Variants in DLG2 observed in about 807,000 individuals in gnomAD.
The protein encoded by DLG2 is discs large MAGUK scaffold protein 2.
A neutral mutation model predicts 132.5 loss-of-function variants in DLG2; 45 were observed. The ratio of observed to expected loss-of-function variants is 0.34; its 90% CI spans 0.27 to 0.44. DLG2 has a LOEUF of 0.44. Ranked by LOEUF, DLG2 falls within the 20% of genes least tolerant of loss-of-function variation. The pLI is 1.00. For missense variants in DLG2, 1,045 were observed against 1,196.9 expected (o/e 0.87, Z 1.87); for synonymous variants, 424 against 419.6 (o/e 1.01, Z -0.13).
chr11:84,151,929 T>A (rs1384404406), intron 9 of DLG2, among the ~76,000 whole-genome samples: 1 of 152,220 alleles, frequency 6.6e-6, no homozygotes, highest in Non-Finnish European at 1.5e-5. Flanking sequence ...GATTTTTATT[T>A]CTTTGCATTT....
At chr11:85,173,491 A>G (rs1225906522) in intron 4 of DLG2, among the ~76,000 whole-genome samples, 1 of 152,196 alleles carries the variant, frequency 6.6e-6, no homozygotes, top group African/African-American at 2.4e-5. Context: ...TATGGAAAGG[A>G]AAAACCCATT....
At chr11:83,616,500 G>GT (rs34592902) in intron 19 of DLG2, among the ~76,000 whole-genome samples, 48,445 of 149,782 alleles carry the variant, frequency 0.32, 9,124 homozygotes, top group African/African-American at 0.53. Flanking sequence ...AAAAAAAAAT[G>GT]TTTTTTTTTT....
chr11:84,620,107 T>C (rs1457463432), intron 6 of DLG2, among the ~76,000 whole-genome samples: 9 of 151,646 alleles, frequency 5.9e-5, no homozygotes, highest in Non-Finnish European at 8.9e-5. Flanking sequence ...TAATATAGTA[T>C]TGATTTGGCA....
chr11:84,489,219 TC>T (rs2099158406), intron 7 of DLG2, among the ~76,000 whole-genome samples: 6 of 152,134 alleles, frequency 3.9e-5, no homozygotes. Flanking sequence ...GCAGTATTTT[TC>T]CTTTTATTAG....
chr11:83,588,359 C>A (rs956749963), intron 19 of DLG2, among the ~76,000 whole-genome samples: 1 of 151,848 alleles, frequency 6.6e-6, no homozygotes, highest in Admixed American at 6.5e-5. Context: ...GGGAGGCACC[C>A]CCCAGCAGGG....
chr11:85,347,372 T>C (rs1031494816), intron 3 of DLG2, among the ~76,000 whole-genome samples: 3 of 152,064 alleles, frequency 2.0e-5, no homozygotes, highest in Admixed American at 2.0e-4. Context: ...TGTTATCTGA[T>C]TGCAGAAAAT....
intron 6 of DLG2, among the ~76,000 whole-genome samples, chr11:84,943,472 C>A (rs1051972006): frequency 6.6e-6 from 1 of 151,636 alleles, no homozygotes; most frequent in Non-Finnish European, 1.5e-5. Context: ...GTTTTAATTT[C>A]TTTCTTTTAT....
intron 18 of DLG2, among the ~76,000 whole-genome samples, chr11:83,708,758 CT>C (rs5793085): frequency 6.6e-5 from 10 of 151,692 alleles, no homozygotes; most frequent in Admixed American, 5.9e-4. Context: ...TTTTGGAATC[CT>C]TTTTTTTAAT....
intron 3 of DLG2, among the ~76,000 whole-genome samples, chr11:85,502,579 T>C (rs2093830194): frequency 6.6e-6 from 1 of 151,768 alleles, no homozygotes; most frequent in South Asian, 2.1e-4. Flanking sequence ...ATGTTCTCAC[T>C]TATAAGTTGG....
chr11:85,249,578 TATCA>T (rs1026769208), intron 4 of DLG2, among the ~76,000 whole-genome samples: 1 of 152,050 alleles, frequency 6.6e-6, no homozygotes, highest in Non-Finnish European at 1.5e-5. Context: ...TGAGAACAAG[TATCA>T]AACTGAAATG....
intron 7 of DLG2, among the ~76,000 whole-genome samples, chr11:84,285,092 T>C (rs1267211667): frequency 6.6e-6 from 1 of 152,210 alleles, no homozygotes; most frequent in Non-Finnish European, 1.5e-5. Context: ...CTCCCTTGTT[T>C]ATTTTTTTGG....
At chr11:83,657,406 T>A (rs2153534966) in intron 18 of DLG2, among the ~76,000 whole-genome samples, 1 of 152,240 alleles carries the variant, frequency 6.6e-6, no homozygotes, top group African/African-American at 2.4e-5. Flanking sequence ...ACTAACATTT[T>A]CCCCAAGCTC....
chr11:83,775,538 A>AC (rs1227095849), intron 18 of DLG2, among the ~76,000 whole-genome samples: 8 of 152,184 alleles, frequency 5.3e-5, no homozygotes, highest in Non-Finnish European at 1.0e-4. Flanking sequence ...GATTTTTAGA[A>AC]AGGTGTCAGG....
rs143678994 is a variant in DLG2, at chr11:84,362,251, T to C, written c.520-110960A>G. Among the ~76,000 whole-genome samples, 12 of 152,060 alleles carry C rather than the reference T, an allele frequency of 7.9e-5. No individual in the cohort carries two copies. In the East Asian group the frequency reaches 2.3e-3, roughly 30 times the overall value. On this transcript the variant is annotated intron_variant, in intron 7 of 27. Transcript: ENST00000376104. ...CCCAGTTCAGTACTAGTACTCAGAA[T>C]CTACTAAAAGTTACTCCTTGAAAGA...
chr11:84,497,301 G>T (rs1477166022), intron 7 of DLG2, among the ~76,000 whole-genome samples: 1 of 151,962 alleles, frequency 6.6e-6, no homozygotes, highest in African/African-American at 2.4e-5. Flanking sequence ...TAAATAATTT[G>T]CCTGAAGTCA....
Position 83,786,788 on chromosome 11 carries a change from T to C in DLG2, c.1727A>G (p.Asn576Ser). The change falls in exon 18 of 28, where the codon AAT becomes AGT. Residue 576 changes from asparagine to serine, a missense_variant. Physicochemically the swap from Asn to Ser is conservative, Grantham distance 46. Transcript: ENST00000376104. ...GGATGCACCACGGAGGTCAATGCCATTCACCTGAAAGAGAGGAAGCCAGAG... is the reference window on the plus strand; with the variant it reads ...GGATGCACCACGGAGGTCAATGCCACTCACCTGAAAGAGAGGAAGCCAGAG... ...LQRGDQILSV[N>S]GIDLRGASHE... 6.2e-7 allele frequency: 1 copy of C among 1,613,950 alleles called. No individual in the cohort carries two copies. The highest frequency in any genetic ancestry group is 8.5e-7 in the Non-Finnish European group (1 of 1,179,888).
intron 15 of DLG2, among the ~76,000 whole-genome samples, chr11:83,911,188 A>G (rs1031901067): frequency 1.3e-5 from 2 of 152,114 alleles, no homozygotes; most frequent in African/African-American, 4.8e-5. Context: ...CTCAGTGTAG[A>G]GGAATAGCAA....
intron 19 of DLG2, among the ~76,000 whole-genome samples, chr11:83,542,978 T>A (rs115522182): frequency 0.017 from 2,593 of 152,272 alleles, 86 homozygotes; most frequent in African/African-American, 0.06. Flanking sequence ...TTTTAGATTT[T>A]TCCACACTGA....
chr11:84,485,720 T>C (rs959121358), intron 7 of DLG2, among the ~76,000 whole-genome samples: 1 of 152,180 alleles, frequency 6.6e-6, no homozygotes, highest in African/African-American at 2.4e-5. Context: ...ATGAAGGTCC[T>C]ACTGTAGTGT....
Sources: allele counts gnomAD v4.1 joint callset (sites outside exome capture counted in the v4.1 genomes callset), GRCh38; gene constraint gnomAD v4.1.1; transcripts MANE v1.5; gene names NCBI Gene and HGNC (gene_info 2026-07-23, HGNC 2026-07-21).